The following KCTD2 variants were observed in gnomAD, a reference collection of about 807,000 sequenced individuals.
KCTD2 encodes the protein potassium channel tetramerization domain containing 2.
KCTD2 carries 18 observed loss-of-function variants against 27.9 expected under a neutral mutation model. The ratio of observed to expected loss-of-function variants is 0.64; its 90% CI spans 0.45 to 0.96. The LOEUF is 0.96. Ranked by LOEUF, KCTD2 falls within the 40% of genes least tolerant of loss-of-function variation. The pLI is 0.00. For missense variants in KCTD2, 280 were observed against 348.0 expected, an observed-to-expected ratio of 0.80 and a Z score of 1.56; for synonymous variants, 175 against 148.4, an observed-to-expected ratio of 1.18 and a Z score of -1.30.
chr17:75,053,093 C>A lies in KCTD2; in HGVS notation c.528C>A (p.Asn176Lys), dbSNP rs760769344. The change falls in exon 3 of 6, where the codon AAC (asparagine) becomes AAA (lysine). Residue 176 changes from asparagine to lysine, a missense_variant. Coordinates refer to ENST00000322444, the MANE Select transcript of KCTD2 (RefSeq NM_015353.3). The stretch of plus-strand genomic sequence containing the variant: ...AGGAAAGGATACGGGACAATGAGAA[C>A]AGAACTTCACAAGTAATGTATTTGG... ...LVKERIRDNE[N>K]RTSQGPVKHV... 62 of 1,612,758 alleles carry A rather than the reference C, an allele frequency of 3.8e-5. No individual in the cohort carries two copies. Among genetic ancestry groups the A allele is most frequent in the Non-Finnish European group, 4.9e-5 (58 of 1,178,956 alleles).
chr17:75,041,580 T>C (rs1432853116), intron 3 of KCTD2: 1 of 152,806 alleles, frequency 6.5e-6, no homozygotes, highest in Admixed American at 6.5e-5. Flanking sequence ...TAAGCTGAGA[T>C]TGCGCCACTG....
At chr17:75,060,387 A>G (rs2073391995) in intron 4 of KCTD2, 1 of 1,476,704 alleles carries the variant, frequency 6.8e-7, no homozygotes, top group Admixed American at 2.1e-5. Context: ...CATTCAAGTG[A>G]TCCTCTGCCA....
chr17:75,042,739 A>G (rs2073173678), upstream of KCTD2: 2 of 1,334,874 alleles, frequency 1.5e-6, no homozygotes, highest in African/African-American at 1.5e-5. Flanking sequence ...TAACAAAATA[A>G]GAGCTCTTAG....
intron 3 of KCTD2, chr17:75,038,734 T>G (rs1382730440): frequency 3.4e-6 from 2 of 587,032 alleles, no homozygotes; most frequent in Non-Finnish European, 5.8e-6. Flanking sequence ...ACACAGCCCG[T>G]CAGACAACCA....
chr17:75,053,030 G>A lies in KCTD2; in HGVS notation c.465G>A (p.Ala155=), dbSNP rs767670890. The change falls in exon 3 of 6, where the codon GCG becomes GCA. Residue 155 remains alanine, a synonymous_variant. Coordinates refer to ENST00000322444, the MANE Select transcript of KCTD2 (RefSeq NM_015353.3). ...ELAEEGVLEE[A]EFYNIASLVR... ...TTGTTCCAGGTGTGCTGGAGGAAGC[G>A]GAGTTTTACAACATCGCGTCCCTTG... 18 of 1,614,028 alleles carry A rather than the reference G, an allele frequency of 1.1e-5. No individual in the cohort carries two copies. The highest frequency in any genetic ancestry group is 2.2e-5 in the East Asian group (1 of 44,900).
chr17:75,051,512 C>G (rs1189259065), intron 2 of KCTD2, among the ~76,000 whole-genome samples: 1 of 151,484 alleles, frequency 6.6e-6, no homozygotes. Flanking sequence ...TCTTGAACTC[C>G]TGACCTCGTG....
intron 3 of KCTD2, among the ~76,000 whole-genome samples, chr17:75,054,359 T>G: frequency 6.6e-6 from 1 of 152,096 alleles, no homozygotes; most frequent in Non-Finnish European, 1.5e-5. Context: ...CGAAAGGGAA[T>G]TTGCCCACCT....
intron 1 of KCTD2, among the ~76,000 whole-genome samples, chr17:75,048,360 C>G (rs958830353): frequency 1.3e-5 from 2 of 152,080 alleles, no homozygotes; most frequent in African/African-American, 4.8e-5. Context: ...CCTTTAAGTT[C>G]TCAACTTAAA....
chr17:75,039,456 A>G (rs1410206865), intron 3 of KCTD2: 2 of 583,678 alleles, frequency 3.4e-6, no homozygotes, highest in South Asian at 2.1e-5. Context: ...CTCACAGAGA[A>G]GCCCATATGG....
intron 3 of KCTD2, among the ~76,000 whole-genome samples, chr17:75,036,709 C>T (rs2040116560): frequency 6.6e-6 from 1 of 152,218 alleles, no homozygotes; most frequent in Admixed American, 6.5e-5. Flanking sequence ...TTTCTCACAT[C>T]CCTGCGCTTT....
At chr17:75,058,033 A>T (rs2073366772) in intron 3 of KCTD2, among the ~76,000 whole-genome samples, 2 of 152,008 alleles carry the variant, frequency 1.3e-5, no homozygotes, top group Non-Finnish European at 1.5e-5. Context: ...CTAAAAATCC[A>T]AAAAAATTGG....
intron 3 of KCTD2, chr17:75,038,919 C>T: frequency 1.9e-6 from 3 of 1,611,654 alleles, no homozygotes; most frequent in Non-Finnish European, 2.5e-6. Context: ...AGAGCTTCCT[C>T]CTGGACTCAA....
chr17:75,047,954 C>CAT (rs1418272341), intron 1 of KCTD2, among the ~76,000 whole-genome samples: 4 of 152,278 alleles, frequency 2.6e-5, no homozygotes, highest in African/African-American at 9.6e-5. Flanking sequence ...CCCCCCACTG[C>CAT]CGGTGCCAGA....
intron 3 of KCTD2, among the ~76,000 whole-genome samples, chr17:75,055,392 C>T (rs1358878089): frequency 6.6e-6 from 1 of 151,432 alleles, no homozygotes; most frequent in Admixed American, 6.6e-5. Flanking sequence ...ATGCCTTGGT[C>T]TTTCTATGTT....
At chr17:75,043,595 G>C (rs1477945141), upstream of KCTD2, among the ~76,000 whole-genome samples, 1 of 143,234 alleles carries the variant, frequency 7.0e-6, no homozygotes, top group Non-Finnish European at 1.5e-5. Flanking sequence ...CCTGGACACA[G>C]AGTGAGACTC....
intron 3 of KCTD2, among the ~76,000 whole-genome samples, chr17:75,057,437 A>T (rs2073360992): frequency 6.6e-6 from 1 of 152,166 alleles, no homozygotes; most frequent in African/African-American, 2.4e-5. Context: ...TACTTATACA[A>T]TTGGTTTCCA....
chr17:75,046,923 A>G (rs2073226492), upstream of KCTD2: 1 of 157,158 alleles, frequency 6.4e-6, no homozygotes, highest in Admixed American at 6.5e-5. Context: ...AGCCCCACTC[A>G]CCTTCACCGA....
intron 1 of KCTD2, chr17:75,033,977 T>G (rs1258817508): frequency 6.6e-6 from 1 of 151,948 alleles, no homozygotes; most frequent in Admixed American, 6.6e-5. Flanking sequence ...CCACCTGGGG[T>G]AGAGGTGAAA....
chr17:75,035,766 G>A (rs1352584057), intron 3 of KCTD2, among the ~76,000 whole-genome samples: 1 of 152,154 alleles, frequency 6.6e-6, no homozygotes, highest in African/African-American at 2.4e-5. Flanking sequence ...CCAGGAGGCC[G>A]AGGTTGCAGT....
Sources: gnomAD v4.1 joint callset for allele counts (sites outside exome capture counted in the v4.1 genomes callset) on GRCh38, gnomAD v4.1.1 for gene constraint, MANE v1.5 for transcripts, NCBI Gene and HGNC (gene_info 2026-07-23, HGNC 2026-07-21) for gene names.